Variants in PPP1R1C observed in about 807,000 individuals in gnomAD.
The protein encoded by PPP1R1C is protein phosphatase 1 regulatory subunit 1C.
Under a neutral mutation model 17.4 loss-of-function variants are expected in PPP1R1C, and 15 were observed. The observed-to-expected ratio is 0.86, with a 90% CI of 0.58 to 1.33. The LOEUF (loss-of-function observed/expected upper bound fraction) is 1.33. PPP1R1C is among the 40% of genes most tolerant of loss of function. PPP1R1C has a pLI of 0.00. For missense variants in PPP1R1C, 143 were observed against 130.0 expected (o/e 1.10, Z -0.48); for synonymous variants, 35 against 43.1 (o/e 0.81, Z 0.73).
intron 4 of PPP1R1C, among the ~76,000 whole-genome samples, chr2:182,075,577 A>G (rs1688274577): frequency 6.6e-6 from 1 of 152,252 alleles, no homozygotes; most frequent in African/African-American, 2.4e-5. Flanking sequence ...AGAAACACAT[A>G]AAATTTACAC....
At chr2:182,042,277 G>A (rs994371967) in intron 2 of PPP1R1C, among the ~76,000 whole-genome samples, 1 of 152,274 alleles carries the variant, frequency 6.6e-6, no homozygotes, top group East Asian at 1.9e-4. Context: ...TCATGTCACA[G>A]ATAAATATGA....
At chr2:182,064,022 A>G (rs1687917916) in intron 4 of PPP1R1C, 3 of 448,934 alleles carry the variant, frequency 6.7e-6, no homozygotes, top group African/African-American at 6.0e-5. Flanking sequence ...CAGTCTAGAA[A>G]TTCAGTTTCC....
intron 2 of PPP1R1C, among the ~76,000 whole-genome samples, chr2:182,023,666 G>A (rs1014739825): frequency 2.6e-5 from 4 of 151,918 alleles, no homozygotes; most frequent in Non-Finnish European, 4.4e-5. Context: ...GGTTCCTCAG[G>A]CTGGAGTACA....
chr2:182,106,145 C>A (rs536904019), intron 4 of PPP1R1C, among the ~76,000 whole-genome samples: 1 of 152,260 alleles, frequency 6.6e-6, no homozygotes, highest in East Asian at 1.9e-4. Flanking sequence ...ACAATTGATA[C>A]AGGAGTGGGG....
chr2:182,068,691 A>G (rs1688060433), intron 4 of PPP1R1C, among the ~76,000 whole-genome samples: 1 of 152,212 alleles, frequency 6.6e-6, no homozygotes, highest in South Asian at 2.1e-4. Context: ...TGTAAGAGAT[A>G]CTGATATTTC....
chr2:182,084,389 T>C (rs1232252322), intron 4 of PPP1R1C, among the ~76,000 whole-genome samples: 1 of 152,174 alleles, frequency 6.6e-6, no homozygotes. Context: ...TTAAGATTTT[T>C]ATGATTTCAA....
At chr2:182,061,130 A>T (rs541669705) in intron 2 of PPP1R1C, among the ~76,000 whole-genome samples, 11 of 152,192 alleles carry the variant, frequency 7.2e-5, no homozygotes, top group Admixed American at 5.9e-4. Flanking sequence ...TGACACCTTA[A>T]CTGTGAGGCT....
intron 2 of PPP1R1C, among the ~76,000 whole-genome samples, chr2:182,052,645 A>G (rs1452000319): frequency 1.3e-5 from 2 of 152,144 alleles, no homozygotes; most frequent in East Asian, 1.9e-4. Flanking sequence ...TGAGGCCATC[A>G]CCCCAACACA....
chr2:181,983,912 A>C (rs2125138019), upstream of PPP1R1C, among the ~76,000 whole-genome samples: 1 of 152,288 alleles, frequency 6.6e-6, no homozygotes, highest in East Asian at 1.9e-4. Context: ...AAAAAACAAG[A>C]AGCTTAAAGG....
chr2:182,076,769 C>T (rs184988647), intron 4 of PPP1R1C, among the ~76,000 whole-genome samples: 68 of 152,228 alleles, frequency 4.5e-4, no homozygotes, highest in African/African-American at 1.6e-3. Flanking sequence ...CTATTTTCTT[C>T]AACATTTTAA....
At chr2:182,039,187 T>C (rs1223164751) in intron 2 of PPP1R1C, among the ~76,000 whole-genome samples, 1 of 152,252 alleles carries the variant, frequency 6.6e-6, no homozygotes, top group Non-Finnish European at 1.5e-5. Context: ...ATATTTCCAC[T>C]AGGATGAGAA....
intron 2 of PPP1R1C, among the ~76,000 whole-genome samples, chr2:182,008,244 T>G (rs1333411848): frequency 2.0e-5 from 3 of 152,148 alleles, no homozygotes; most frequent in African/African-American, 7.2e-5. Flanking sequence ...GGCAAACTGG[T>G]AGAGAGGGAC....
At chr2:182,047,837 A>G (rs1183294975) in intron 2 of PPP1R1C, among the ~76,000 whole-genome samples, 1 of 152,210 alleles carries the variant, frequency 6.6e-6, no homozygotes, top group African/African-American at 2.4e-5. Context: ...AAATTATGAA[A>G]TATAAGCAGA....
intron 2 of PPP1R1C, among the ~76,000 whole-genome samples, chr2:182,045,747 CAAAAGGGTTTGGAA>C (rs1687323594): frequency 6.6e-6 from 1 of 151,844 alleles, no homozygotes; most frequent in East Asian, 1.9e-4. Flanking sequence ...GTTCAAAATG[CAAAAGGGTTTGGAA>C]AAAATAAATG....
At chr2:181,978,340 G>T (rs1449020416) in intron 2 of PPP1R1C, among the ~76,000 whole-genome samples, 1 of 152,190 alleles carries the variant, frequency 6.6e-6, no homozygotes, top group East Asian at 1.9e-4. Context: ...TGTGCCTCAT[G>T]ACAGAACATT....
At chr2:182,071,701 T>G (rs1688144610) in intron 4 of PPP1R1C, among the ~76,000 whole-genome samples, 1 of 152,186 alleles carries the variant, frequency 6.6e-6, no homozygotes, top group Non-Finnish European at 1.5e-5. Flanking sequence ...CTCCATTGAT[T>G]TATCTGTTCA....
chr2:182,124,220 G>A (rs1438568264), intron 5 of PPP1R1C, among the ~76,000 whole-genome samples: 1 of 150,160 alleles, frequency 6.7e-6, no homozygotes, highest in Non-Finnish European at 1.5e-5. Context: ...CTATATATCT[G>A]TTTTGGTACC....
rs141804718 is a variant in PPP1R1C, at chr2:182,126,361, A to G, written c.*7-2613A>G. On this transcript the variant is annotated intron_variant, in intron 5 of 5. Coordinates refer to the PPP1R1C transcript ENST00000280295. ...CTTATTTTCTAACTCAGTGATTCCA[A>G]AAACCAGTCCTCAAAGCTCCATTAG... 3.3e-3 allele frequency among the ~76,000 whole-genome samples: 509 copies of G among 152,192 alleles called. 3 individuals are homozygous for G. Among genetic ancestry groups the G allele is most frequent in the African/African-American group, 0.012 (493 of 41,552 alleles).
chr2:181,997,475 AT>A (rs74804944), intron 2 of PPP1R1C, among the ~76,000 whole-genome samples: 44,113 of 151,928 alleles, frequency 0.29, 6,673 homozygotes, highest in Middle Eastern at 0.36. Flanking sequence ...GCTAATAATA[AT>A]TTTTTTGTTT....
Sources: gnomAD v4.1 joint callset for allele counts (sites outside exome capture counted in the v4.1 genomes callset) on GRCh38, gnomAD v4.1.1 for gene constraint, MANE v1.5 for transcripts, NCBI Gene and HGNC (gene_info 2026-07-23, HGNC 2026-07-21) for gene names.